Variants in SESTD1 observed in about 807,000 individuals in gnomAD.
SESTD1 encodes SEC14 domain and spectrin repeat-containing protein 1.
SESTD1 carries 43 observed loss-of-function variants against 101.7 expected under a neutral mutation model. The observed-to-expected ratio is 0.42, with a 90% CI of 0.33 to 0.55. The LOEUF (loss-of-function observed/expected upper bound fraction) is 0.55, where lower values mean the gene tolerates loss of function less well. Among genes scored for constraint, SESTD1 ranks in the 20% least tolerant of loss-of-function variants. SESTD1 has a pLI of 0.07. For missense variants in SESTD1, 647 were observed against 815.1 expected, an observed-to-expected ratio of 0.79 and a Z score of 2.51; for synonymous variants, 283 against 286.8, an observed-to-expected ratio of 0.99 and a Z score of 0.13.
chr2:179,258,820 G>A (rs978834308), intron 1 of SESTD1, among the ~76,000 whole-genome samples: 1 of 152,146 alleles, frequency 6.6e-6, no homozygotes, highest in African/African-American at 2.4e-5. Flanking sequence ...GGTGATTATG[G>A]GAAAATGAAG....
At chr2:179,236,722 C>A (rs2047073343) in intron 1 of SESTD1, among the ~76,000 whole-genome samples, 1 of 145,926 alleles carries the variant, frequency 6.9e-6, no homozygotes. Flanking sequence ...TTATTTTACA[C>A]TCATGTTTGA....
intron 1 of SESTD1, among the ~76,000 whole-genome samples, chr2:179,198,140 G>A (rs7608236): frequency 0.45 from 68,203 of 151,768 alleles, 18,158 homozygotes; most frequent in African/African-American, 0.75. Context: ...GGAAAACAAA[G>A]AAAGGCAGGG....
intron 1 of SESTD1, among the ~76,000 whole-genome samples, chr2:179,195,668 C>A (rs79590841): frequency 1.8e-4 from 28 of 152,268 alleles, no homozygotes; most frequent in Non-Finnish European, 4.0e-4. Context: ...TCCTCCTTCA[C>A]AGAACTCACA....
At chr2:179,113,998 GT>G (rs1018992653) in intron 16 of SESTD1, among the ~76,000 whole-genome samples, 3 of 151,818 alleles carry the variant, frequency 2.0e-5, no homozygotes, top group African/African-American at 7.2e-5. Flanking sequence ...GTAATGTTCT[GT>G]TTTTTTTGAA....
chr2:179,234,865 T>C (rs1302669051), intron 1 of SESTD1, among the ~76,000 whole-genome samples: 2 of 151,836 alleles, frequency 1.3e-5, no homozygotes, highest in African/African-American at 2.4e-5. Flanking sequence ...TCCCAGTACT[T>C]TGGAAGGCTG....
chr2:179,185,772 C>T (rs563623819), intron 2 of SESTD1, among the ~76,000 whole-genome samples: 2 of 106,946 alleles, frequency 1.9e-5, no homozygotes, highest in African/African-American at 3.5e-5. Flanking sequence ...TATAATATAG[C>T]ATATACAATA....
chr2:179,239,235 T>A (rs2047113628), intron 1 of SESTD1, among the ~76,000 whole-genome samples: 2 of 151,770 alleles, frequency 1.3e-5, no homozygotes, highest in African/African-American at 4.8e-5. Flanking sequence ...GAATAGAGAA[T>A]TTTTTTTTAA....
chr2:179,237,843 T>G (rs1053869412), intron 1 of SESTD1, among the ~76,000 whole-genome samples: 2 of 152,080 alleles, frequency 1.3e-5, no homozygotes, highest in African/African-American at 4.8e-5. Flanking sequence ...ATAACAGAGA[T>G]CCAGTCATGG....
At chr2:179,116,613 C>A (rs1395494472) in intron 15 of SESTD1, 55 bp downstream of exon 15, 1 of 1,612,796 alleles carries the variant, frequency 6.2e-7, no homozygotes, top group African/African-American at 1.3e-5. Context: ...TATAATCATG[C>A]AGAAAGCTAT....
chr2:179,245,977 C>CT (rs2047223421), intron 1 of SESTD1, among the ~76,000 whole-genome samples: 1 of 152,186 alleles, frequency 6.6e-6, no homozygotes, highest in Non-Finnish European at 1.5e-5. Context: ...ATTAACCAGG[C>CT]TGGGCACAGT....
At chr2:179,132,049 A>T (rs2045026030) in intron 10 of SESTD1, 1 of 291,858 alleles carries the variant, frequency 3.4e-6, no homozygotes, top group Non-Finnish European at 6.3e-6. Flanking sequence ...CTGTCACTGT[A>T]GCTTTTAAAA....
intron 1 of SESTD1, among the ~76,000 whole-genome samples, chr2:179,231,847 A>C (rs2046993186): frequency 6.6e-6 from 1 of 152,092 alleles, no homozygotes; most frequent in Non-Finnish European, 1.5e-5. Flanking sequence ...AAAAAGCCTT[A>C]AATATGACAC....
intron 9 of SESTD1, among the ~76,000 whole-genome samples, chr2:179,138,043 CAG>C (rs1449585465): frequency 1.3e-5 from 2 of 152,028 alleles, no homozygotes; most frequent in Admixed American, 6.6e-5. Context: ...CTGTGAAAAA[CAG>C]AGTACAGAAA....
intron 10 of SESTD1, among the ~76,000 whole-genome samples, chr2:179,126,237 C>T (rs1326123473): frequency 1.3e-5 from 2 of 152,098 alleles, no homozygotes; most frequent in Non-Finnish European, 2.9e-5. Flanking sequence ...TGTTTTCCCA[C>T]CCTTCTGAAA....
rs907711687 is a variant in SESTD1, at chr2:179,212,002, T to C, written c.-25-20136A>G. 6.7e-5 allele frequency among the ~76,000 whole-genome samples: 9 copies of C among 134,590 alleles called. 2 individuals are homozygous for C. The highest frequency in any genetic ancestry group is 2.0e-4 in the East Asian group (1 of 5,014). The allele number at this position is 134,590 out of a possible 152,430, so 88.3% of individuals were successfully genotyped here. A position where few individuals can be genotyped will look rare whatever the true frequency, so the allele number is the denominator to read the frequency against. ...AACACCACTTGATCCCCAAAAACTA[T>C]TGAAATAATTAAAAAATATCTTCCG... On this transcript the variant is annotated intron_variant, in intron 1 of 17. Coordinates refer to ENST00000428443, the MANE Select transcript of SESTD1 (RefSeq NM_178123.5).
At chr2:179,188,076 T>C (rs898775683) in intron 2 of SESTD1, among the ~76,000 whole-genome samples, 2 of 152,156 alleles carry the variant, frequency 1.3e-5, no homozygotes, top group African/African-American at 4.8e-5. Context: ...CTTGACCAAC[T>C]GGACCTAATA....
chr2:179,246,466 ATCTCT>A (rs1346038048), intron 1 of SESTD1, among the ~76,000 whole-genome samples: 1 of 152,208 alleles, frequency 6.6e-6, no homozygotes, highest in Non-Finnish European at 1.5e-5. Flanking sequence ...AACTGCAGAT[ATCTCT>A]TCAGTATCTC....
chr2:179,119,848 A>G (rs1379273112), intron 13 of SESTD1, among the ~76,000 whole-genome samples: 1 of 151,976 alleles, frequency 6.6e-6, no homozygotes, highest in Non-Finnish European at 1.5e-5. Context: ...ACCTTCCATC[A>G]TGAGTGGAAG....
chr2:179,116,936 A>G, intron 14 of SESTD1, 146 bp from the exon 15 acceptor site: 6 of 1,133,518 alleles, frequency 5.3e-6, no homozygotes, highest in South Asian at 5.0e-5. Context: ...TCATTCAATG[A>G]TAAGCTACAT....
Sources: gnomAD v4.1 joint callset for allele counts (sites outside exome capture counted in the v4.1 genomes callset) on GRCh38, gnomAD v4.1.1 for gene constraint, MANE v1.5 for transcripts, NCBI Gene and HGNC (gene_info 2026-07-23, HGNC 2026-07-21) for gene names.